The following TRPM3 variants were observed in gnomAD, a reference collection of about 807,000 sequenced individuals.
TRPM3 encodes transient receptor potential cation channel subfamily M member 3, also known as long transient receptor potential channel 3.
Under a neutral mutation model 181.2 loss-of-function variants are expected in TRPM3, and 77 were observed. The observed-to-expected ratio is 0.42, with a 90% CI of 0.35 to 0.51. TRPM3 has a LOEUF of 0.51. Among genes scored for constraint, TRPM3 ranks in the 20% least tolerant of loss-of-function variants. The pLI is 0.01. For synonymous variants in TRPM3, 745 were observed against 796.4 expected (o/e 0.94, Z 1.09); for missense variants, 1,759 against 2,196.7 (o/e 0.80, Z 3.98).
chr9:71,415,728 T>C (rs994018666), intron 1 of TRPM3, among the ~76,000 whole-genome samples: 2 of 152,052 alleles, frequency 1.3e-5, no homozygotes, highest in African/African-American at 4.8e-5. Flanking sequence ...CAGTTTTCTA[T>C]ACTCAGCCCC....
intron 1 of TRPM3, among the ~76,000 whole-genome samples, chr9:71,030,588 T>A (rs993231916): frequency 6.6e-6 from 1 of 151,454 alleles, no homozygotes; most frequent in Admixed American, 6.6e-5. Context: ...AAAAAAAGAT[T>A]GCAAAAATAA....
At chr9:71,231,368 T>C (rs145247025) in intron 1 of TRPM3, among the ~76,000 whole-genome samples, 59 of 152,268 alleles carry the variant, frequency 3.9e-4, no homozygotes, top group African/African-American at 1.4e-3. Flanking sequence ...TGGAGGATGC[T>C]ACATCACTGT....
intron 6 of TRPM3, among the ~76,000 whole-genome samples, chr9:70,822,130 G>A (rs2093224506): frequency 6.6e-6 from 1 of 152,152 alleles, no homozygotes; most frequent in Non-Finnish European, 1.5e-5. Context: ...CTTTCCACCA[G>A]AAAGTGTCCC....
At chr9:71,065,315 AGC>A (rs2061788542) in intron 1 of TRPM3, among the ~76,000 whole-genome samples, 1 of 152,154 alleles carries the variant, frequency 6.6e-6, no homozygotes, top group African/African-American at 2.4e-5. Flanking sequence ...AAGTTCCTTT[AGC>A]GTTATATTTC....
At chr9:71,345,066 C>T (rs998839443) in intron 1 of TRPM3, among the ~76,000 whole-genome samples, 18 of 152,020 alleles carry the variant, frequency 1.2e-4, no homozygotes, top group African/African-American at 3.4e-4. Flanking sequence ...GTTTGAATGG[C>T]GATCATTAAA....
intron 1 of TRPM3, among the ~76,000 whole-genome samples, chr9:70,913,337 C>A (rs1431491808): frequency 6.6e-6 from 1 of 152,070 alleles, no homozygotes; most frequent in Non-Finnish European, 1.5e-5. Flanking sequence ...CCCTGGGGGT[C>A]AAAAATCAGT....
At chr9:71,199,370 GAAT>G (rs2078622568) in intron 1 of TRPM3, among the ~76,000 whole-genome samples, 1 of 152,170 alleles carries the variant, frequency 6.6e-6, no homozygotes, top group Non-Finnish European at 1.5e-5. Context: ...TTTGGTATCA[GAAT>G]GATGCTAGCC....
chr9:71,005,709 T>C (rs1483982319), intron 1 of TRPM3, among the ~76,000 whole-genome samples: 1 of 152,038 alleles, frequency 6.6e-6, no homozygotes, highest in African/African-American at 2.4e-5. Flanking sequence ...AATAAAAAGT[T>C]TCCCAGACAA....
In TRPM3 at chr9:71,044,086, T is replaced by G. The variant is rs2059147784; in HGVS notation, c.177+77092A>C. ...TTTTCCATAATTAAATCTCACCTTT[T>G]TCCACTGTGTACTTTCTCTCATGAG... On this transcript the variant is annotated intron_variant, in intron 1 of 25. Transcript: ENST00000677713. 2.0e-5 allele frequency among the ~76,000 whole-genome samples: 3 copies of G among 152,340 alleles called. No homozygotes were observed. The South Asian group carries it at 6.2e-4, about 32-fold the overall frequency.
chr9:71,334,680 C>T (rs533827628), intron 1 of TRPM3, among the ~76,000 whole-genome samples: 18 of 152,222 alleles, frequency 1.2e-4, no homozygotes, highest in African/African-American at 4.3e-4. Context: ...ATTCAACAAC[C>T]ATCTTTCTCC....
intron 1 of TRPM3, among the ~76,000 whole-genome samples, chr9:71,290,832 A>T (rs1427804142): frequency 6.6e-6 from 1 of 152,090 alleles, no homozygotes; most frequent in East Asian, 1.9e-4. Context: ...ACTGTATAGG[A>T]CCTAAAAGAA....
intron 1 of TRPM3, among the ~76,000 whole-genome samples, chr9:71,144,663 G>GAC (rs2134572780): frequency 6.6e-6 from 1 of 152,200 alleles, no homozygotes; most frequent in African/African-American, 2.4e-5. Flanking sequence ...ATCCTTACTT[G>GAC]ACATATCAGC....
intron 3 of TRPM3, among the ~76,000 whole-genome samples, chr9:70,858,602 G>A (rs2095445042): frequency 6.6e-6 from 1 of 151,990 alleles, no homozygotes; most frequent in South Asian, 2.1e-4. Context: ...TAATAAGAAG[G>A]TAAATTGGTT....
chr9:71,261,722 G>A (rs1404866664), intron 1 of TRPM3, among the ~76,000 whole-genome samples: 2 of 152,130 alleles, frequency 1.3e-5, no homozygotes, highest in Non-Finnish European at 2.9e-5. Flanking sequence ...GATGCTATTG[G>A]TTTCTGTTTG....
intron 3 of TRPM3, among the ~76,000 whole-genome samples, 174 bp downstream of exon 3, chr9:70,862,734 A>G (rs1294801814): frequency 6.6e-6 from 1 of 152,174 alleles, no homozygotes; most frequent in Non-Finnish European, 1.5e-5. Flanking sequence ...TTCCTGTTTT[A>G]TAGAAGAAGG....
intron 1 of TRPM3, among the ~76,000 whole-genome samples, chr9:71,327,406 A>G (rs1406399510): frequency 6.6e-6 from 1 of 152,184 alleles, no homozygotes; most frequent in Non-Finnish European, 1.5e-5. Context: ...TGTCTCCCCA[A>G]GAAATGTCCC....
intron 1 of TRPM3, among the ~76,000 whole-genome samples, chr9:71,236,215 T>C (rs993199139): frequency 1.6e-4 from 24 of 152,242 alleles, no homozygotes; most frequent in African/African-American, 5.5e-4. Context: ...TCCTGATTTC[T>C]AGTGTTAGAT....
intron 1 of TRPM3, among the ~76,000 whole-genome samples, chr9:71,035,917 G>A (rs1004776204): frequency 7.0e-6 from 1 of 142,622 alleles, no homozygotes; most frequent in Non-Finnish European, 1.5e-5. Context: ...GTTATATAAA[G>A]AAATCTAGTG....
At chr9:70,686,462 A>G (rs1050126309) in intron 8 of TRPM3, among the ~76,000 whole-genome samples, 1 of 152,130 alleles carries the variant, frequency 6.6e-6, no homozygotes, top group African/African-American at 2.4e-5. Flanking sequence ...TTAATTTATT[A>G]TTCTGATTTT....
Sources: gnomAD v4.1 joint callset for allele counts (sites outside exome capture counted in the v4.1 genomes callset) on GRCh38, gnomAD v4.1.1 for gene constraint, MANE v1.5 for transcripts, NCBI Gene and HGNC (gene_info 2026-07-23, HGNC 2026-07-21) for gene names.